Variants in MYO3B observed in about 807,000 individuals in gnomAD.
MYO3B encodes the protein myosin IIIB.
MYO3B carries 156 observed loss-of-function variants against 174.6 expected under a neutral mutation model. That is an observed-to-expected ratio of 0.89 (90% confidence interval 0.78 to 1.02). The LOEUF is 1.02. Among genes scored for constraint, MYO3B ranks in the 50% least tolerant of loss-of-function variants. MYO3B has a pLI of 0.00. For synonymous variants in MYO3B, 563 were observed against 569.1 expected (o/e 0.99, Z 0.15); for missense variants, 1,632 against 1,639.4 (o/e 1.00, Z 0.08).
intron 7 of MYO3B, among the ~76,000 whole-genome samples, chr2:170,238,218 A>T (rs1430156162): frequency 6.6e-6 from 1 of 152,202 alleles, no homozygotes; most frequent in Non-Finnish European, 1.5e-5. Flanking sequence ...TAGTGCTAAA[A>T]ATGTATCCTT....
At chr2:170,453,453 C>CACACACACACACACACACGA (rs749891550) in intron 23 of MYO3B, among the ~76,000 whole-genome samples, 1 of 122,970 alleles carries the variant, frequency 8.1e-6, no homozygotes, top group African/African-American at 2.9e-5. Context: ...CACACACACA[C>CACACACACACACACACACGA]GAGAGAGAGA....
chr2:170,354,619 C>G (rs1574838968), intron 8 of MYO3B, among the ~76,000 whole-genome samples: 1 of 152,154 alleles, frequency 6.6e-6, no homozygotes, highest in East Asian at 1.9e-4. Flanking sequence ...GTCTCCCCCT[C>G]CCCCTTCTTT....
chr2:170,480,319 G>T (rs1685611527), intron 25 of MYO3B, among the ~76,000 whole-genome samples: 1 of 152,120 alleles, frequency 6.6e-6, no homozygotes, highest in Non-Finnish European at 1.5e-5. Flanking sequence ...GAATGCTGAA[G>T]TCATGAAGCT....
At chr2:170,379,120 A>T (rs1162650094) in intron 9 of MYO3B, among the ~76,000 whole-genome samples, 1 of 152,160 alleles carries the variant, frequency 6.6e-6, no homozygotes, top group African/African-American at 2.4e-5. Flanking sequence ...CAATTATAAG[A>T]TATAAATGTA....
chr2:170,420,119 C>T (rs565116403), intron 22 of MYO3B, among the ~76,000 whole-genome samples: 21 of 152,000 alleles, frequency 1.4e-4, no homozygotes, highest in Non-Finnish European at 2.2e-4. Context: ...ACCCGGGATG[C>T]GGAGGTGGCA....
rs1446939553 is a variant in MYO3B, at chr2:170,648,648, C to A, written c.3734-2980C>A. ...AAAAAATATGTATATATATTATATT[C>A]TATATAATATATATTATATTCTATA... On this transcript the variant is annotated intron_variant, in intron 32 of 34. Coordinates refer to ENST00000408978, the MANE Select transcript of MYO3B (RefSeq NM_138995.5). Among the ~76,000 whole-genome samples the A allele has an allele frequency of 4.8e-5, 4 of 82,708 alleles. No homozygotes were observed. In the South Asian group the frequency reaches 8.9e-4, roughly 18 times the overall value. 54.3% of individuals were successfully genotyped at this position (82,708 alleles called of 152,430 possible).
chr2:170,495,252 G>C, intron 25 of MYO3B, among the ~76,000 whole-genome samples: 1 of 152,146 alleles, frequency 6.6e-6, no homozygotes, highest in East Asian at 1.9e-4. Flanking sequence ...GTTCCTTTCA[G>C]CTTAGCCTTT....
intron 25 of MYO3B, among the ~76,000 whole-genome samples, chr2:170,488,766 A>G (rs1199824404): frequency 2.6e-5 from 4 of 152,244 alleles, no homozygotes; most frequent in African/African-American, 9.6e-5. Flanking sequence ...AAAGAGTTGC[A>G]AAATGGCTCA....
chr2:170,534,754 T>C (rs1689577618), intron 30 of MYO3B, among the ~76,000 whole-genome samples: 1 of 152,188 alleles, frequency 6.6e-6, no homozygotes, highest in Non-Finnish European at 1.5e-5. Flanking sequence ...GTGTCCTGTA[T>C]TTTATCTAAC....
chr2:170,533,178 G>A (rs1689467262), intron 30 of MYO3B, among the ~76,000 whole-genome samples: 1 of 152,086 alleles, frequency 6.6e-6, no homozygotes. Context: ...CTTCTCGGCT[G>A]TGACATTGCT....
Position 170,390,762 on chromosome 2 carries a change from C to CT in MYO3B, c.1578-753dup, listed in dbSNP as rs1322728498. Among the ~76,000 whole-genome samples the CT allele has an allele frequency of 4.6e-5, 7 of 152,168 alleles. No homozygotes were observed. In the South Asian group the frequency reaches 1.5e-3, roughly 32 times the overall value. Reference sequence around the variant, plus strand: ...TTTCAAACTCTGTGCTAAGGGACCACTTTTTAAAAAAAATCTCCAACCCAT... The same window carrying CT: ...TTTCAAACTCTGTGCTAAGGGACCACTTTTTTAAAAAAAATCTCCAACCCAT... On this transcript the variant is annotated intron_variant, in intron 14 of 34. Coordinates refer to ENST00000408978, the MANE Select transcript of MYO3B (RefSeq NM_138995.5).
At chr2:170,569,522 T>G (rs116298300) in intron 32 of MYO3B, among the ~76,000 whole-genome samples, 2,421 of 151,666 alleles carry the variant, frequency 0.016, 69 homozygotes, top group African/African-American at 0.056. Flanking sequence ...GGCTGAGTTT[T>G]TTTTTTTTTT....
chr2:170,445,605 T>G (rs937128814), intron 23 of MYO3B, among the ~76,000 whole-genome samples: 3 of 151,812 alleles, frequency 2.0e-5, no homozygotes, highest in African/African-American at 7.3e-5. Flanking sequence ...CCTCCCCAAG[T>G]GCTGGATTAC....
intron 23 of MYO3B, among the ~76,000 whole-genome samples, chr2:170,459,421 T>A (rs574054095): frequency 2.0e-4 from 30 of 152,160 alleles, no homozygotes; most frequent in Non-Finnish European, 4.1e-4. Context: ...GTTCTCCAAG[T>A]CCCCACTAGA....
chr2:170,492,443 C>T (rs1040397263), intron 25 of MYO3B, among the ~76,000 whole-genome samples: 4 of 152,174 alleles, frequency 2.6e-5, no homozygotes, highest in South Asian at 4.1e-4. Context: ...GAGTCTGAAG[C>T]CTGATCAGTT....
chr2:170,555,522 A>G (rs1691224225), intron 32 of MYO3B, among the ~76,000 whole-genome samples: 1 of 152,154 alleles, frequency 6.6e-6, no homozygotes, highest in Admixed American at 6.5e-5. Flanking sequence ...AATGTCATAT[A>G]GTTGGAATCA....
At chr2:170,421,973 T>C (rs1026563812) in intron 22 of MYO3B, among the ~76,000 whole-genome samples, 2 of 152,230 alleles carry the variant, frequency 1.3e-5, no homozygotes, top group Admixed American at 6.5e-5. Context: ...CTCTCAGCTA[T>C]GGTGGAATGA....
At chr2:170,200,484 T>C (rs6759658) in intron 3 of MYO3B, among the ~76,000 whole-genome samples, 200 bp downstream of exon 3, 58,928 of 152,094 alleles carry the variant, frequency 0.39, 11,708 homozygotes, top group African/African-American at 0.47. Context: ...TTTGTTTCTC[T>C]GCTTCAGAGG....
chr2:170,491,585 C>T (rs1005875989), intron 25 of MYO3B, among the ~76,000 whole-genome samples: 3 of 152,172 alleles, frequency 2.0e-5, no homozygotes, highest in Admixed American at 2.0e-4. Flanking sequence ...GCCACCATGC[C>T]CGGCTAATTT....
Sources: gnomAD v4.1 joint callset for allele counts (sites outside exome capture counted in the v4.1 genomes callset) on GRCh38, gnomAD v4.1.1 for gene constraint, MANE v1.5 for transcripts, NCBI Gene and HGNC (gene_info 2026-07-23, HGNC 2026-07-21) for gene names.